PRUNE2: variants seen among roughly 807,000 people sequenced by gnomAD.
PRUNE2 encodes prune homolog 2 with BCH domain, also known as protein prune homolog 2.
Under a neutral mutation model 252.0 loss-of-function variants are expected in PRUNE2, and 164 were observed. The observed-to-expected ratio is 0.65, with a 90% CI of 0.57 to 0.74. The LOEUF is 0.74. Among genes scored for constraint, PRUNE2 ranks in the 30% least tolerant of loss-of-function variants. The pLI is 0.00. For missense variants in PRUNE2, 3,495 were observed against 3,711.0 expected (o/e 0.94, Z 1.51); for synonymous variants, 1,292 against 1,350.2 (o/e 0.96, Z 0.94).
At position 76,764,952 on chromosome 9, in the gene PRUNE2, T is replaced by G. The variant is rs556491823; in HGVS notation, c.757-51231A>C. ...GTTTAATGTTGCTGACTAACTATACTGAGAGAGAAGAATGATGCAGAGCAG... is the reference window on the plus strand; with the variant it reads ...GTTTAATGTTGCTGACTAACTATACGGAGAGAGAAGAATGATGCAGAGCAG... On this transcript the variant is annotated intron_variant, in intron 6 of 18. Transcript: ENST00000376718. Among the ~76,000 whole-genome samples, 5 of 152,288 alleles carry G rather than the reference T, an allele frequency of 3.3e-5. No homozygotes were observed. In the South Asian group the frequency reaches 1.0e-3, roughly 32 times the overall value.
At chr9:76,833,421 G>A (rs2058771243) in intron 4 of PRUNE2, among the ~76,000 whole-genome samples, 1 of 152,164 alleles carries the variant, frequency 6.6e-6, no homozygotes, top group African/African-American at 2.4e-5. Context: ...TGAAATCTTA[G>A]TCAAGTAGAA....
intron 9 of PRUNE2, among the ~76,000 whole-genome samples, chr9:76,699,972 G>A (rs975125877): frequency 2.0e-5 from 3 of 152,214 alleles, no homozygotes; most frequent in Admixed American, 2.0e-4. Context: ...TTGATCCCCT[G>A]CTGGACAGGT....
At chr9:76,838,745 A>C (rs922654227) in intron 4 of PRUNE2, among the ~76,000 whole-genome samples, 2 of 151,890 alleles carry the variant, frequency 1.3e-5, no homozygotes, top group Non-Finnish European at 2.9e-5. Flanking sequence ...AAAGCAAAGA[A>C]GAGTATACCA....
intron 1 of PRUNE2, among the ~76,000 whole-genome samples, chr9:76,879,076 T>C (rs982867277): frequency 6.6e-6 from 1 of 152,200 alleles, no homozygotes; most frequent in African/African-American, 2.4e-5. Flanking sequence ...TTTTCCAAAG[T>C]GTGTTCCAGT....
chr9:76,662,057 G>A (rs1374745311), intron 9 of PRUNE2, among the ~76,000 whole-genome samples: 3 of 152,054 alleles, frequency 2.0e-5, no homozygotes, highest in Admixed American at 6.5e-5. Flanking sequence ...AAACAATAAA[G>A]CCCTGCACAT....
chr9:76,773,887 G>A (rs2053405138), intron 6 of PRUNE2, among the ~76,000 whole-genome samples: 1 of 152,172 alleles, frequency 6.6e-6, no homozygotes, highest in Non-Finnish European at 1.5e-5. Context: ...CAGAAAAAAG[G>A]TGGAAAGTAA....
intron 6 of PRUNE2, among the ~76,000 whole-genome samples, chr9:76,745,080 C>T (rs200182875): frequency 6.7e-6 from 1 of 150,314 alleles, no homozygotes; most frequent in East Asian, 2.0e-4. Context: ...GGAGTAGGCA[C>T]CCAATGAAAC....
chr9:76,755,039 G>A (rs1357789691), intron 6 of PRUNE2, among the ~76,000 whole-genome samples: 5 of 148,026 alleles, frequency 3.4e-5, no homozygotes, highest in African/African-American at 1.2e-4. Flanking sequence ...GTTCCTTATC[G>A]CTCTTTTTAA....
At chr9:76,617,582 T>C (rs1258959440) in intron 18 of PRUNE2, among the ~76,000 whole-genome samples, 1 of 152,046 alleles carries the variant, frequency 6.6e-6, no homozygotes, top group Non-Finnish European at 1.5e-5. Flanking sequence ...TGTGATCTTG[T>C]GCCTCTTAAG....
At chr9:76,769,308 C>G (rs929481706) in intron 6 of PRUNE2, among the ~76,000 whole-genome samples, 2 of 152,226 alleles carry the variant, frequency 1.3e-5, no homozygotes, top group African/African-American at 4.8e-5. Flanking sequence ...AGGGTCAATA[C>G]ATACAGAATA....
chr9:76,745,574 C>G (rs746510087), intron 6 of PRUNE2, among the ~76,000 whole-genome samples: 5 of 152,172 alleles, frequency 3.3e-5, no homozygotes, highest in Non-Finnish European at 4.4e-5. Context: ...GCACCCCCAA[C>G]CAATCAGTAG....
chr9:76,688,357 C>T (rs1221826023), intron 9 of PRUNE2, among the ~76,000 whole-genome samples: 1 of 152,190 alleles, frequency 6.6e-6, no homozygotes. Context: ...GTAAGTGTTG[C>T]TGCCCAAGTC....
chr9:76,714,455 C>T (rs182817197), intron 6 of PRUNE2, among the ~76,000 whole-genome samples: 47 of 152,264 alleles, frequency 3.1e-4, no homozygotes, highest in South Asian at 1.2e-3. Flanking sequence ...AGTGCTGTGG[C>T]GTTATCTCGG....
intron 6 of PRUNE2, chr9:76,817,829 G>C (rs1043022946): frequency 6.6e-6 from 1 of 152,124 alleles, no homozygotes; most frequent in African/African-American, 2.4e-5. Context: ...TTACTCAACT[G>C]CCAGGTACAC....
chr9:76,652,579 A>G lies in PRUNE2; in HGVS notation c.8461T>C (p.Ser2821Pro). 6.2e-7 allele frequency: 1 copy of G among 1,613,050 alleles called. No individual in the cohort carries two copies. Among genetic ancestry groups the G allele is most frequent in the Non-Finnish European group, 8.5e-7 (1 of 1,179,088 alleles). Residue 2821 changes from serine to proline, a missense_variant, in exon 11 of 19, where the codon TCT (serine) becomes CCT (proline). By Grantham distance (74) the Ser-to-Pro change is moderately conservative. Coordinates refer to ENST00000376718, the MANE Select transcript of PRUNE2 (RefSeq NM_015225.3). Reference protein sequence around the residue: ...SLDQSEGSILSDDNLDSPDEI... With the variant: ...SLDQSEGSILPDDNLDSPDEI... The stretch of plus-strand genomic sequence containing the variant: ...TCTGGACTGTCCAAGTTATCATCAG[A>G]GAGAATAGATCCTTCACTTTGGTCC...
intron 4 of PRUNE2, among the ~76,000 whole-genome samples, chr9:76,846,212 T>A (rs2059662282): frequency 1.3e-5 from 2 of 152,188 alleles, no homozygotes; most frequent in African/African-American, 2.4e-5. Context: ...TCACCTCTGG[T>A]AGTGATTAAA....
At position 76,710,015 on chromosome 9, in the gene PRUNE2, T is replaced by C. The variant is rs563948671; in HGVS notation, c.2259A>G (p.Thr753=). 1 of 1,613,786 alleles carries C rather than the reference T, an allele frequency of 6.2e-7. No individual in the cohort carries two copies. The highest frequency in any genetic ancestry group is 1.7e-5 in the Admixed American group (1 of 59,976). Residue 753 remains threonine, a synonymous_variant, in exon 8 of 19, where the codon ACA becomes ACG. Coordinates refer to ENST00000376718, the MANE Select transcript of PRUNE2 (RefSeq NM_015225.3). The part of the protein sequence containing the change: ...LPMEKSPLPN[T]SPQGTNHLIE... ...TCAGGTGGTTTGTTCCTTGGGGAGA[T>C]GTATTTGGCAAAGGTGACTTCTCCA... is the stretch of plus-strand genomic sequence containing the variant.
At chr9:76,757,764 T>C (rs2051291161) in intron 6 of PRUNE2, among the ~76,000 whole-genome samples, 1 of 151,134 alleles carries the variant, frequency 6.6e-6, no homozygotes, top group South Asian at 2.1e-4. Context: ...CTGGGTAACA[T>C]GGAGAAATCC....
chr9:76,691,772 T>C (rs2044758878), intron 9 of PRUNE2, among the ~76,000 whole-genome samples: 1 of 152,144 alleles, frequency 6.6e-6, no homozygotes, highest in Admixed American at 6.5e-5. Context: ...ATCATAAATA[T>C]AAAGGAAAAC....
Sources: allele counts gnomAD v4.1 joint callset (sites outside exome capture counted in the v4.1 genomes callset), GRCh38; gene constraint gnomAD v4.1.1; transcripts MANE v1.5; gene names NCBI Gene and HGNC (gene_info 2026-07-23, HGNC 2026-07-21).